Variants in TMEM108 observed in about 807,000 individuals in gnomAD.
TMEM108 encodes the protein transmembrane protein 108.
TMEM108 carries 12 observed loss-of-function variants against 35.1 expected under a neutral mutation model. The ratio of observed to expected loss-of-function variants is 0.34; its 90% confidence interval spans 0.22 to 0.55. The LOEUF (loss-of-function observed/expected upper bound fraction) is 0.55, where lower values mean the gene tolerates loss of function less well. Ranked by LOEUF, TMEM108 falls within the 20% of genes least tolerant of loss-of-function variation. The probability of loss-of-function intolerance (pLI) is 0.89; values close to 1 mark genes in which losing one functional copy is unlikely to be tolerated. For missense variants in TMEM108, 680 were observed against 753.3 expected, an observed-to-expected ratio of 0.90 and a Z score of 1.14; for synonymous variants, 287 against 308.6, an observed-to-expected ratio of 0.93 and a Z score of 0.73.
intron 2 of TMEM108, among the ~76,000 whole-genome samples, chr3:133,162,522 A>G (rs1944975657): frequency 1.3e-5 from 2 of 152,184 alleles, no homozygotes; most frequent in Non-Finnish European, 2.9e-5. Context: ...GTCACTTTTT[A>G]TCTCTGAATT....
chr3:133,188,137 G>A (rs1945448458), intron 2 of TMEM108, among the ~76,000 whole-genome samples: 2 of 152,126 alleles, frequency 1.3e-5, no homozygotes, highest in African/African-American at 2.4e-5. Flanking sequence ...GTTAAAAAGG[G>A]AATTTATAGA....
intron 3 of TMEM108, among the ~76,000 whole-genome samples, chr3:133,260,004 T>C (rs1946602118): frequency 6.6e-6 from 1 of 152,184 alleles, no homozygotes; most frequent in Non-Finnish European, 1.5e-5. Flanking sequence ...ACTGGTTTTA[T>C]AGGCACAAAG....
chr3:133,060,995 G>A (rs1242651877), intron 2 of TMEM108, among the ~76,000 whole-genome samples: 1 of 152,032 alleles, frequency 6.6e-6, no homozygotes. Context: ...GTTTTTAATG[G>A]AAGGATATCC....
intron 3 of TMEM108, among the ~76,000 whole-genome samples, chr3:133,237,794 G>A (rs1007644772): frequency 8.5e-5 from 13 of 152,072 alleles, no homozygotes; most frequent in African/African-American, 3.1e-4. Flanking sequence ...AATTTTTTGT[G>A]TTAGCAAATG....
intron 2 of TMEM108, among the ~76,000 whole-genome samples, chr3:133,103,597 A>T (rs965336407): frequency 1.3e-5 from 2 of 152,166 alleles, no homozygotes; most frequent in African/African-American, 4.8e-5. Flanking sequence ...TTAAAAAAAA[A>T]TGTTAGATCA....
At chr3:133,120,937 A>C (rs1944344532) in intron 2 of TMEM108, 1 of 152,090 alleles carries the variant, frequency 6.6e-6, no homozygotes, top group African/African-American at 2.4e-5. Flanking sequence ...AAAAAGGCAA[A>C]CTCTTGCTCT....
chr3:133,182,869 C>A (rs1274329893), intron 2 of TMEM108, among the ~76,000 whole-genome samples: 1 of 152,168 alleles, frequency 6.6e-6, no homozygotes, highest in African/African-American at 2.4e-5. Context: ...ACTGTACTGT[C>A]CAGTCCAGAC....
chr3:133,082,906 G>A (rs1328155190), intron 2 of TMEM108, among the ~76,000 whole-genome samples: 2 of 151,930 alleles, frequency 1.3e-5, no homozygotes, highest in African/African-American at 2.4e-5. Context: ...CTCTTACCTC[G>A]GCCTCCAAAA....
In TMEM108 at chr3:133,379,921, C is replaced by T. The variant is rs199598943; in HGVS notation, c.210C>T (p.Pro70=). The change falls in exon 4 of 6, where the codon CCC becomes CCT. Residue 70 remains proline, a synonymous_variant. Coordinates refer to ENST00000321871, the MANE Select transcript of TMEM108 (RefSeq NM_023943.4). The part of the protein sequence containing the change: ...HTSVVMLTPN[P]DGPPSQAAAP... ...CTGTGGTGATGCTGACCCCCAATCCCGATGGACCCCCCTCACAGGCTGCAG... is the reference window on the plus strand; with the variant it reads ...CTGTGGTGATGCTGACCCCCAATCCTGATGGACCCCCCTCACAGGCTGCAG... 4.7e-5 allele frequency: 76 copies of T among 1,613,868 alleles called. No individual in the cohort carries two copies. Among genetic ancestry groups the T allele is most frequent in the South Asian group, 1.6e-4 (15 of 91,074 alleles).
At chr3:133,138,388 A>C (rs1040736352) in intron 2 of TMEM108, among the ~76,000 whole-genome samples, 2 of 152,246 alleles carry the variant, frequency 1.3e-5, no homozygotes, top group Non-Finnish European at 2.9e-5. Context: ...AAGAGAGACT[A>C]TCAAACTTAT....
chr3:133,329,548 C>T (rs904880116), intron 3 of TMEM108, among the ~76,000 whole-genome samples: 1 of 152,162 alleles, frequency 6.6e-6, no homozygotes, highest in Non-Finnish European at 1.5e-5. Flanking sequence ...CAACCTCCAG[C>T]GGCTCCTTTT....
intron 2 of TMEM108, among the ~76,000 whole-genome samples, chr3:133,095,246 A>G (rs536035806): frequency 2.0e-5 from 3 of 152,320 alleles, no homozygotes; most frequent in African/African-American, 7.2e-5. Context: ...GGATGTAGTC[A>G]GGGATGGGGA....
At chr3:133,383,865 C>T (rs1341784481) in intron 4 of TMEM108, among the ~76,000 whole-genome samples, 2 of 152,190 alleles carry the variant, frequency 1.3e-5, no homozygotes, top group African/African-American at 2.4e-5. Flanking sequence ...GTCTGTCTTG[C>T]GTTTCCACTA....
chr3:133,364,746 T>C lies in TMEM108; in HGVS notation c.41-15006T>C, dbSNP rs182678013. On this transcript the variant is annotated intron_variant, in intron 3 of 5. Transcript: ENST00000321871. ...GAAGGAAGAATTGTCTCCCTCATCA[T>C]GAACATTAATTGAAATATCATCTGT... Among the ~76,000 whole-genome samples, 8 of 152,342 alleles carry C rather than the reference T, an allele frequency of 5.3e-5. No individual in the cohort carries two copies. The East Asian group carries it at 9.6e-4, about 18-fold the overall frequency.
At chr3:133,307,843 GC>G (rs1256068782) in intron 3 of TMEM108, among the ~76,000 whole-genome samples, 1 of 152,028 alleles carries the variant, frequency 6.6e-6, no homozygotes, top group African/African-American at 2.4e-5. Context: ...GTCTTGGCGG[GC>G]CCTTTTTTGG....
intron 2 of TMEM108, among the ~76,000 whole-genome samples, chr3:133,094,450 A>C (rs1943987822): frequency 6.6e-6 from 1 of 152,104 alleles, no homozygotes; most frequent in African/African-American, 2.4e-5. Context: ...ACAAAATTAT[A>C]CTTTCAGAAG....
At position 133,240,831 on chromosome 3, in the gene TMEM108, A is replaced by G. The variant is rs1028474067; in HGVS notation, c.40+11480A>G. On this transcript the variant is annotated intron_variant, in intron 3 of 5. Coordinates refer to ENST00000321871, the MANE Select transcript of TMEM108 (RefSeq NM_023943.4). ...TATAAAAACATTTCATGTGTTGAAA[A>G]TCCCTTTCAAACATGGGTTTGCTGT... Among the ~76,000 whole-genome samples the G allele has an allele frequency of 2.2e-4, 33 of 152,202 alleles. 1 individual carries two copies. Among genetic ancestry groups the G allele is most frequent in the Non-Finnish European group, 4.4e-5 (3 of 68,030 alleles).
chr3:133,324,776 G>A (rs2071309529), intron 3 of TMEM108, among the ~76,000 whole-genome samples: 1 of 152,310 alleles, frequency 6.6e-6, no homozygotes. Flanking sequence ...AGGAGTTCAA[G>A]ACCAGCCTGG....
At chr3:133,386,373 T>C in intron 4 of TMEM108, 2 of 1,535,760 alleles carry the variant, frequency 1.3e-6, no homozygotes, top group Non-Finnish European at 1.7e-6. Context: ...GTTTGAAAGG[T>C]TGAATCCTCA....
Sources: allele counts gnomAD v4.1 joint callset (sites outside exome capture counted in the v4.1 genomes callset), GRCh38; gene constraint gnomAD v4.1.1; transcripts MANE v1.5; gene names NCBI Gene and HGNC (gene_info 2026-07-23, HGNC 2026-07-21).